The following AP3B1 variants were observed in gnomAD, a reference collection of about 807,000 sequenced individuals.
AP3B1 encodes the protein adaptor related protein complex 3 subunit beta 1.
Under a neutral mutation model 132.5 loss-of-function variants are expected in AP3B1, and 61 were observed. The ratio of observed to expected loss-of-function variants is 0.46; its 90% CI spans 0.37 to 0.57. The LOEUF is 0.57. AP3B1 is among the 20% of genes least tolerant of loss of function. AP3B1 has a pLI of 0.00. For synonymous variants in AP3B1, 388 were observed against 438.3 expected (o/e 0.89, Z 1.43); for missense variants, 1,120 against 1,289.4 (o/e 0.87, Z 2.01).
Position 78,275,692 on chromosome 5 carries a change from C to T in AP3B1, c.129-8097G>A, listed in dbSNP as rs532165129. Reference sequence around the variant, plus strand: ...TTTTCACCATGTTGGCTAAGATGGTCTCGATCTCCTGACCTCGTGATCCAC... The same window carrying T: ...TTTTCACCATGTTGGCTAAGATGGTTTCGATCTCCTGACCTCGTGATCCAC... On this transcript the variant is annotated intron_variant, in intron 1 of 26. Coordinates refer to ENST00000255194, the MANE Select transcript of AP3B1 (RefSeq NM_003664.5). Among the ~76,000 whole-genome samples the T allele has an allele frequency of 2.0e-5, 3 of 152,264 alleles. No individual in the cohort carries two copies. In the East Asian group the frequency reaches 5.8e-4, roughly 29 times the overall value.
intron 24 of AP3B1, among the ~76,000 whole-genome samples, chr5:78,028,983 TC>T (rs1474308095): frequency 6.6e-6 from 1 of 152,298 alleles, no homozygotes; most frequent in East Asian, 1.9e-4. Flanking sequence ...AATCATATTA[TC>T]CCATAGTTTT....
At chr5:78,041,222 T>G (rs2112105140) in intron 22 of AP3B1, among the ~76,000 whole-genome samples, 1 of 150,428 alleles carries the variant, frequency 6.6e-6, no homozygotes, top group African/African-American at 2.4e-5. Context: ...TGCTGTGGGC[T>G]GAGATCGCGC....
At chr5:78,205,854 T>C (rs1286883492) in intron 7 of AP3B1, among the ~76,000 whole-genome samples, 2 of 104,338 alleles carry the variant, frequency 1.9e-5, no homozygotes, top group African/African-American at 7.4e-5. Context: ...TTATTTTGTC[T>C]AAAAAAATTT....
At chr5:78,092,503 A>C (rs768103776) in intron 21 of AP3B1, among the ~76,000 whole-genome samples, 1 of 152,258 alleles carries the variant, frequency 6.6e-6, no homozygotes, top group Admixed American at 6.5e-5. Context: ...AAAATGTCAT[A>C]GTATACAAGT....
At chr5:78,209,476 C>A (rs921930145) in intron 7 of AP3B1, among the ~76,000 whole-genome samples, 2 of 152,194 alleles carry the variant, frequency 1.3e-5, no homozygotes, top group Non-Finnish European at 2.9e-5. Context: ...AATCAGAAAT[C>A]TTTAAATCCA....
At chr5:78,044,780 T>G (rs1748249242) in intron 22 of AP3B1, among the ~76,000 whole-genome samples, 1 of 152,220 alleles carries the variant, frequency 6.6e-6, no homozygotes, top group Non-Finnish European at 1.5e-5. Flanking sequence ...GTCCAAACAT[T>G]TATTTTGTGT....
intron 22 of AP3B1, among the ~76,000 whole-genome samples, chr5:78,083,285 G>A (rs1346652231): frequency 6.6e-6 from 1 of 152,140 alleles, no homozygotes; most frequent in African/African-American, 2.4e-5. Flanking sequence ...AGTTAAAGCA[G>A]AACATACACT....
At chr5:78,234,849 A>T (rs1746804053) in intron 3 of AP3B1, among the ~76,000 whole-genome samples, 1 of 152,204 alleles carries the variant, frequency 6.6e-6, no homozygotes, top group Admixed American at 6.5e-5. Context: ...TTCTCACACC[A>T]GTGGGTATAA....
Position 78,228,255 on chromosome 5 carries a change from C to T in AP3B1, c.280-16G>A, listed in dbSNP as rs1561489073. 6.3e-7 allele frequency: 1 copy of T among 1,577,846 alleles called. No individual in the cohort carries two copies. The highest frequency in any genetic ancestry group is 1.1e-5 in the South Asian group (1 of 89,726). Reference sequence around the variant, plus strand: ...ACTTCTTGATCTGTTAAAAAAAAATCATTTATTCATAACCAGAGTGAAAAT... The same window carrying T: ...ACTTCTTGATCTGTTAAAAAAAAATTATTTATTCATAACCAGAGTGAAAAT... On this transcript the variant is annotated splice_polypyrimidine_tract_variant and intron_variant, in intron 3 of 26. Coordinates refer to ENST00000255194, the MANE Select transcript of AP3B1 (RefSeq NM_003664.5).
rs374410460 is a variant in AP3B1, at chr5:78,039,520, A to C, written c.2578-246T>G. Among the ~76,000 whole-genome samples the C allele has an allele frequency of 1.1e-4, 16 of 152,296 alleles. No individual in the cohort carries two copies. In the East Asian group the frequency reaches 1.9e-3, roughly 18 times the overall value. ...GCTGGGCGCGGTGGCTCACGCCTGT[A>C]ATCCCAGCACTTTGGGAGGCCGAGA... is the stretch of plus-strand genomic sequence containing the variant. On this transcript the variant is annotated intron_variant, in intron 22 of 26. Transcript: ENST00000255194.
intron 21 of AP3B1, among the ~76,000 whole-genome samples, chr5:78,090,443 C>A (rs929980311): frequency 6.6e-6 from 1 of 152,170 alleles, no homozygotes; most frequent in Non-Finnish European, 1.5e-5. Flanking sequence ...CGTCTTGGAG[C>A]CTTTTATATT....
At chr5:78,023,823 G>C (rs1298162587) in intron 24 of AP3B1, among the ~76,000 whole-genome samples, 1 of 152,164 alleles carries the variant, frequency 6.6e-6, no homozygotes, top group Non-Finnish European at 1.5e-5. Flanking sequence ...GTGAGTTGAA[G>C]GGTGAAGGGA....
intron 3 of AP3B1, among the ~76,000 whole-genome samples, chr5:78,232,718 T>A (rs1310420622): frequency 6.6e-6 from 1 of 152,126 alleles, no homozygotes; most frequent in African/African-American, 2.4e-5. Flanking sequence ...TTTCTTTCTT[T>A]TTTTTTTAGA....
chr5:78,193,285 A>G (rs1338051456), intron 7 of AP3B1, among the ~76,000 whole-genome samples: 2 of 152,204 alleles, frequency 1.3e-5, no homozygotes, highest in Non-Finnish European at 2.9e-5. Context: ...ATCAAAGTTT[A>G]TATCTGAGAG....
intron 6 of AP3B1, among the ~76,000 whole-genome samples, chr5:78,224,236 C>T (rs144565348): frequency 2.6e-4 from 40 of 152,080 alleles, no homozygotes; most frequent in African/African-American, 7.9e-4. Context: ...GTTATACCAA[C>T]TATGCATAGA....
At chr5:78,274,520 T>G (rs1456740557) in intron 1 of AP3B1, among the ~76,000 whole-genome samples, 1 of 151,802 alleles carries the variant, frequency 6.6e-6, no homozygotes, top group African/African-American at 2.4e-5. Context: ...ATGAAAAACA[T>G]AAACCCACAT....
At chr5:78,229,516 T>C (rs1746540015) in intron 3 of AP3B1, among the ~76,000 whole-genome samples, 1 of 150,634 alleles carries the variant, frequency 6.6e-6, no homozygotes, top group African/African-American at 2.5e-5. Flanking sequence ...GCAGATTGCC[T>C]GAGTTCAGGA....
intron 11 of AP3B1, among the ~76,000 whole-genome samples, chr5:78,170,639 G>C (rs186518979): frequency 6.6e-5 from 10 of 152,212 alleles, no homozygotes; most frequent in Admixed American, 5.2e-4. Context: ...TTAGCCCTTT[G>C]TCAGATGGGT....
chr5:78,063,135 T>C (rs1024467912), intron 22 of AP3B1, among the ~76,000 whole-genome samples: 3 of 152,164 alleles, frequency 2.0e-5, no homozygotes, highest in East Asian at 1.9e-4. Flanking sequence ...TTAATGTAAA[T>C]ACCAGTGAAA....
Sources: gnomAD v4.1 joint callset for allele counts (sites outside exome capture counted in the v4.1 genomes callset) on GRCh38, gnomAD v4.1.1 for gene constraint, MANE v1.5 for transcripts, NCBI Gene and HGNC (gene_info 2026-07-23, HGNC 2026-07-21) for gene names.